Variants in SPATA22 observed in about 807,000 individuals in gnomAD.
SPATA22 encodes spermatogenesis-associated protein 22.
SPATA22 carries 29 observed loss-of-function variants against 47.8 expected under a neutral mutation model. That is an observed-to-expected ratio of 0.61 (90% CI 0.45 to 0.83). The LOEUF (loss-of-function observed/expected upper bound fraction) is 0.83, where lower values mean the gene tolerates loss of function less well. Ranked by LOEUF, SPATA22 falls within the 40% of genes least tolerant of loss-of-function variation. The probability of loss-of-function intolerance (pLI) is 0.00; values close to 1 mark genes in which losing one functional copy is unlikely to be tolerated. For missense variants in SPATA22, 410 were observed against 421.7 expected, an observed-to-expected ratio of 0.97 and a Z score of 0.24; for synonymous variants, 133 against 140.9, an observed-to-expected ratio of 0.94 and a Z score of 0.40.
chr17:3,465,828 T>G (rs984529254), intron 3 of SPATA22, among the ~76,000 whole-genome samples: 6 of 151,460 alleles, frequency 4.0e-5, no homozygotes, highest in African/African-American at 1.4e-4. Context: ...CAGTCCTATC[T>G]CTTACCCAAT....
At chr17:3,464,422 C>T (rs1301566720) in intron 3 of SPATA22, among the ~76,000 whole-genome samples, 7 of 147,562 alleles carry the variant, frequency 4.7e-5, no homozygotes, top group Admixed American at 2.0e-4. Context: ...AAGTGAGGAG[C>T]GTCTCTGCCT....
intron 1 of SPATA22, chr17:3,481,545 A>G (rs1237086880): frequency 8.8e-6 from 13 of 1,478,080 alleles, no homozygotes; most frequent in Non-Finnish European, 1.1e-5. Context: ...TTCTTATTAT[A>G]TGTTTATATT....
chr17:3,477,754 G>A (rs1484344848), intron 1 of SPATA22, among the ~76,000 whole-genome samples: 2 of 151,940 alleles, frequency 1.3e-5, no homozygotes, highest in Non-Finnish European at 2.9e-5. Context: ...GCGCTGGGCC[G>A]CTTTTTTTCT....
At position 3,506,695 on chromosome 17, in the gene SPATA22, G is replaced by A. The variant is rs538060273; in HGVS notation, c.-74+6717C>T. ...GCACAGGGACCTGTAATCCCAGCAC[G>A]TCGGGAGGCCGAGGCAGGTGGATCA... is the stretch of plus-strand genomic sequence containing the variant. On this transcript the variant is annotated intron_variant, in intron 1 of 8. Coordinates refer to the SPATA22 transcript ENST00000541913. Among the ~76,000 whole-genome samples the A allele has an allele frequency of 5.3e-4, 80 of 152,224 alleles. 1 individual carries two copies. In the South Asian group the frequency reaches 8.7e-3, roughly 17 times the overall value.
chr17:3,446,352 A>G, intron 7 of SPATA22, 120 bp downstream of exon 7: 1 of 923,802 alleles, frequency 1.1e-6, no homozygotes, highest in Non-Finnish European at 1.6e-6. Flanking sequence ...AGTTCTTTGA[A>G]TACACTTTAG....
intron 1 of SPATA22, among the ~76,000 whole-genome samples, chr17:3,498,334 A>G (rs1261954004): frequency 6.6e-6 from 1 of 152,084 alleles, no homozygotes; most frequent in Non-Finnish European, 1.5e-5. Context: ...TAAACCTGGT[A>G]TTGAAGCAAA....
chr17:3,451,884 T>C (rs972802820), intron 5 of SPATA22, among the ~76,000 whole-genome samples: 3 of 150,938 alleles, frequency 2.0e-5, no homozygotes, highest in African/African-American at 7.3e-5. Context: ...GAGGCGGAGA[T>C]TGCAGTGAGC....
At chr17:3,459,101 A>G (rs2073065651) in intron 5 of SPATA22, among the ~76,000 whole-genome samples, 1 of 149,918 alleles carries the variant, frequency 6.7e-6, no homozygotes, top group Non-Finnish European at 1.5e-5. Flanking sequence ...AGCGTAGAAT[A>G]GTGGTTACCA....
At chr17:3,499,736 C>T (rs370385396) in intron 1 of SPATA22, 19 of 152,336 alleles carry the variant, frequency 1.2e-4, no homozygotes, top group African/African-American at 4.1e-4. Flanking sequence ...ACTGACCGGC[C>T]ATTTCCTTGT....
chr17:3,504,191 C>T (rs2074020036), intron 1 of SPATA22, among the ~76,000 whole-genome samples: 1 of 152,192 alleles, frequency 6.6e-6, no homozygotes, highest in Non-Finnish European at 1.5e-5. Context: ...TCATAGCCAA[C>T]ATGGTCTTCG....
chr17:3,459,178 T>C (rs1224165128), intron 5 of SPATA22, among the ~76,000 whole-genome samples: 2 of 152,074 alleles, frequency 1.3e-5, no homozygotes, highest in Non-Finnish European at 2.9e-5. Context: ...TTACATAGAA[T>C]GAGTAAATTC....
At chr17:3,487,286 T>A in intron 1 of SPATA22, among the ~76,000 whole-genome samples, 1 of 152,208 alleles carries the variant, frequency 6.6e-6, no homozygotes, top group East Asian at 1.9e-4. Context: ...GTCTCTCTAA[T>A]GTTAAACATG....
upstream of SPATA22, among the ~76,000 whole-genome samples, chr17:3,474,880 T>C (rs2073498796): frequency 6.6e-6 from 1 of 152,208 alleles, no homozygotes; most frequent in Non-Finnish European, 1.5e-5. Context: ...AGACTTGGGA[T>C]GAGAAACATG....
chr17:3,491,877 C>CTTTTTTTTTTTTTTTT (rs540965896), intron 1 of SPATA22, among the ~76,000 whole-genome samples: 1 of 123,062 alleles, frequency 8.1e-6, no homozygotes, highest in Non-Finnish European at 1.6e-5. Context: ...CTTTTGTTTT[C>CTTTTTTTTTTTTTTTT]TTTTTTTTTT....
intron 2 of SPATA22, 133 bp from the exon 3 acceptor site, chr17:3,467,687 A>C (rs1484643512): frequency 6.1e-6 from 4 of 655,630 alleles, no homozygotes; most frequent in Non-Finnish European, 8.9e-6. Context: ...GATTTCTATA[A>C]CCTTAGAATG....
At chr17:3,491,344 T>C (rs1418306211) in intron 1 of SPATA22, among the ~76,000 whole-genome samples, 1 of 152,096 alleles carries the variant, frequency 6.6e-6, no homozygotes, top group East Asian at 1.9e-4. Flanking sequence ...TAAACAACAC[T>C]TGAGAACTGT....
Position 3,469,319 on chromosome 17 carries a change from G to A in SPATA22, c.7C>T (p.Arg3Ter), listed in dbSNP as rs761668938. The change falls in exon 2 of 9, where the codon CGA becomes TGA. Residue 3 changes from arginine (R) to a stop codon, truncating the protein, a stop_gained. Coordinates refer to ENST00000572969, the MANE Select transcript of SPATA22 (RefSeq NM_001170698.2). LOFTEE classifies it high-confidence loss of function. Reference sequence around the variant, plus strand: ...CGAGCTGAATTTTCATTTAGGCTTCGCTTCATTTCCTTCAATATCAAAATC... The same window carrying A: ...CGAGCTGAATTTTCATTTAGGCTTCACTTCATTTCCTTCAATATCAAAATC... MK[R>*]SLNENSARST... 18 of 1,568,598 alleles carry A rather than the reference G, an allele frequency of 1.1e-5. No homozygotes were observed. The highest frequency in any genetic ancestry group is 2.7e-5 in the African/African-American group (2 of 74,124).
At chr17:3,494,536 C>G in intron 1 of SPATA22, 1 of 1,230,348 alleles carries the variant, frequency 8.1e-7, no homozygotes, top group South Asian at 1.2e-5. Flanking sequence ...GCTCATACAG[C>G]ACTTCGCGTA....
rs1210700480 is a variant in SPATA22 at position 3,488,145 on chromosome 17, G to A, written c.-73-18747C>T. Among the ~76,000 whole-genome samples, 1 of 152,196 alleles carries A rather than the reference G, an allele frequency of 6.6e-6. No individual in the cohort carries two copies. Among genetic ancestry groups the A allele is most frequent in the Non-Finnish European group, 1.5e-5 (1 of 68,032 alleles). ...GATGGAAGAGAATGAGGGTAGTGCA[G>A]TTGGGGTAAATGGTTTGCCAAATAG... On this transcript the variant is annotated intron_variant, in intron 1 of 8. Coordinates refer to the SPATA22 transcript ENST00000541913. The surrounding 1 kb of genome is among the most constrained non-coding windows in gnomAD (Gnocchi z 6.1).
Sources: allele counts gnomAD v4.1 joint callset (sites outside exome capture counted in the v4.1 genomes callset), GRCh38; gene constraint gnomAD v4.1.1; non-coding constraint Gnocchi (gnomAD v3.1); transcripts MANE v1.5; gene names NCBI Gene and HGNC (gene_info 2026-07-23, HGNC 2026-07-21).